Variants in PTCHD4 observed in about 807,000 individuals in gnomAD.
The protein encoded by PTCHD4 is patched domain containing 4.
In PTCHD4, 33 loss-of-function variants were observed where a neutral mutation model predicts 58.1. The ratio of observed to expected loss-of-function variants is 0.57; its 90% CI spans 0.43 to 0.76. PTCHD4 has a LOEUF of 0.76. PTCHD4 is among the 30% of genes least tolerant of loss of function. The pLI is 0.00. For missense variants in PTCHD4, 1,058 were observed against 1,027.1 expected (o/e 1.03, Z -0.41); for synonymous variants, 478 against 409.6 (o/e 1.17, Z -2.02).
chr6:48,044,649 C>T (rs332582), intron 3 of PTCHD4, among the ~76,000 whole-genome samples: 121,399 of 151,818 alleles, frequency 0.8, 48,555 homozygotes, highest in Middle Eastern at 0.85. Context: ...TGCTCATTTG[C>T]TTATGCAGTT....
chr6:47,880,342 C>T (rs1011283367), intron 4 of PTCHD4, among the ~76,000 whole-genome samples: 2 of 152,144 alleles, frequency 1.3e-5, no homozygotes, highest in Non-Finnish European at 2.9e-5. Flanking sequence ...TTAACTGATT[C>T]ATTGACTGAC....
At chr6:47,944,104 T>G (rs1248198654) in intron 4 of PTCHD4, among the ~76,000 whole-genome samples, 7 of 152,054 alleles carry the variant, frequency 4.6e-5, no homozygotes, top group African/African-American at 1.7e-4. Flanking sequence ...AGAATCTTTC[T>G]ATTCCAATAT....
intron 4 of PTCHD4, among the ~76,000 whole-genome samples, chr6:47,894,502 A>T (rs76576490): frequency 0.027 from 4,066 of 152,290 alleles, 188 homozygotes; most frequent in African/African-American, 0.093. Flanking sequence ...ATGCAAGACA[A>T]AGAATGCAAA....
chr6:48,070,123 T>G (rs200555044), intron 1 of PTCHD4, among the ~76,000 whole-genome samples, 197 bp from the exon 2 acceptor site: 44 of 146,736 alleles, frequency 3.0e-4, no homozygotes, highest in African/African-American at 9.1e-4. Context: ...AAGTGTGTGT[T>G]TGTGTGTGTG....
rs1367806282 is a variant in PTCHD4, at chr6:48,026,879, T to G, written c.418-17765A>C. ...CTTCTTGATGATTATTCGTAAAAAG[T>G]TTTTGCTCTTATTGAGTACATAACC... On this transcript the variant is annotated intron_variant, in intron 3 of 4. Coordinates refer to ENST00000339488, the MANE Select transcript of PTCHD4 (RefSeq NM_001384253.1). 3.3e-5 allele frequency among the ~76,000 whole-genome samples: 5 copies of G among 151,586 alleles called. No individual in the cohort carries two copies. The South Asian group carries it at 6.2e-4, about 19-fold the overall frequency.
At chr6:47,938,868 A>T (rs965697374) in intron 4 of PTCHD4, among the ~76,000 whole-genome samples, 3 of 152,194 alleles carry the variant, frequency 2.0e-5, no homozygotes, top group Non-Finnish European at 4.4e-5. Flanking sequence ...TTTAAGCTAC[A>T]TAAGGATAAA....
chr6:47,934,260 G>GCTCTGAGAGAGTTCCTGT (rs1442462744), intron 4 of PTCHD4, among the ~76,000 whole-genome samples: 1 of 152,088 alleles, frequency 6.6e-6, no homozygotes, highest in Non-Finnish European at 1.5e-5. Context: ...AGGGACTCTG[G>GCTCTGAGAGAGTTCCTGT]CTCTGAGAGA....
Position 47,872,662 on chromosome 6 carries a change from A to G in PTCHD4, c.*5641T>C, listed in dbSNP as rs960198045. Among the ~76,000 whole-genome samples the G allele has an allele frequency of 6.6e-6, 1 of 151,622 alleles. No homozygotes were observed. The highest frequency in any genetic ancestry group is 6.6e-5 in the Admixed American group (1 of 15,166). On this transcript the variant is annotated 3_prime_UTR_variant, in exon 5 of 5. Coordinates refer to ENST00000339488, the MANE Select transcript of PTCHD4 (RefSeq NM_001384253.1). Reference sequence around the variant, plus strand: ...GAAAAATAGTAGAAGCTGGCTTTCTATAATTTAAGATAGTGCAAAATCAGT... The same window carrying G: ...GAAAAATAGTAGAAGCTGGCTTTCTGTAATTTAAGATAGTGCAAAATCAGT...
At chr6:47,884,317 T>C (rs1764113655) in intron 4 of PTCHD4, among the ~76,000 whole-genome samples, 1 of 152,214 alleles carries the variant, frequency 6.6e-6, no homozygotes, top group African/African-American at 2.4e-5. Flanking sequence ...TTTCTTACTT[T>C]TCACTTTGGT....
At chr6:48,041,728 TA>T (rs1283726381) in intron 3 of PTCHD4, among the ~76,000 whole-genome samples, 6 of 152,028 alleles carry the variant, frequency 3.9e-5, no homozygotes, top group African/African-American at 1.4e-4. Context: ...TTTTTTGTTT[TA>T]TTTTTTTAAT....
intron 4 of PTCHD4, among the ~76,000 whole-genome samples, chr6:47,887,289 A>G (rs1286115037): frequency 6.6e-6 from 1 of 150,382 alleles, no homozygotes; most frequent in Admixed American, 6.6e-5. Flanking sequence ...TATAAAATTT[A>G]TTGAGGAATT....
chr6:47,955,898 G>C (rs376319239), intron 4 of PTCHD4, among the ~76,000 whole-genome samples: 1 of 152,152 alleles, frequency 6.6e-6, no homozygotes, highest in Non-Finnish European at 1.5e-5. Context: ...CCATGGTATA[G>C]AGCCATCATT....
chr6:48,028,753 C>T (rs1763336496), intron 3 of PTCHD4, among the ~76,000 whole-genome samples: 1 of 151,984 alleles, frequency 6.6e-6, no homozygotes, highest in African/African-American at 2.4e-5. Context: ...AAATATTGTT[C>T]ATAGTAATCT....
chr6:47,901,383 A>C, intron 4 of PTCHD4: 1 of 931,988 alleles, frequency 1.1e-6, no homozygotes, highest in Non-Finnish European at 1.3e-6. Context: ...GGAAGTGTTC[A>C]TTACTCTTTC....
intron 4 of PTCHD4, among the ~76,000 whole-genome samples, chr6:47,903,585 G>T (rs557892682): frequency 4.6e-5 from 7 of 152,212 alleles, no homozygotes; most frequent in Admixed American, 2.6e-4. Context: ...AAGGTGCTGG[G>T]ATTACTGGTA....
chr6:48,073,201 T>C lies in PTCHD4; in HGVS notation c.-969-3275A>G, dbSNP rs1004188301. Among the ~76,000 whole-genome samples the C allele has an allele frequency of 2.6e-5, 4 of 152,282 alleles. No homozygotes were observed. In the East Asian group the frequency reaches 7.7e-4, roughly 29 times the overall value. ...AACAACACATTAATTGGTTCTTTAG[T>C]TCAAACAGAATTCATGTTTTCTGAT... is the stretch of plus-strand genomic sequence containing the variant. On this transcript the variant is annotated intron_variant, in intron 1 of 4. Transcript: ENST00000339488.
At position 48,091,280 on chromosome 6, in the gene PTCHD4, AAAT is replaced by A. The variant is rs1357274518; in HGVS notation, c.-970+19766_-970+19768del. Among the ~76,000 whole-genome samples the A allele has an allele frequency of 5.4e-4, 82 of 152,022 alleles. No homozygotes were observed. The East Asian group carries it at 8.7e-3, about 16-fold the overall frequency. On this transcript the variant is annotated intron_variant, in intron 1 of 4. Coordinates refer to ENST00000339488, the MANE Select transcript of PTCHD4 (RefSeq NM_001384253.1). ...GGCTAGTAAAGGTAATAATAATAAA[AAAT>A]AATAATAAAATAATAAAAATGAATA... is the stretch of plus-strand genomic sequence containing the variant.
At chr6:47,926,352 T>A (rs963404185) in intron 4 of PTCHD4, among the ~76,000 whole-genome samples, 3 of 152,208 alleles carry the variant, frequency 2.0e-5, no homozygotes, top group Non-Finnish European at 4.4e-5. Flanking sequence ...TAGGATACTA[T>A]TTTTTATTTC....
intron 3 of PTCHD4, among the ~76,000 whole-genome samples, chr6:48,033,668 G>A (rs1763528160): frequency 6.6e-6 from 1 of 151,926 alleles, no homozygotes; most frequent in Admixed American, 6.6e-5. Flanking sequence ...CATGACAATA[G>A]AAAAGAGCAA....
Sources: allele counts gnomAD v4.1 joint callset (sites outside exome capture counted in the v4.1 genomes callset), GRCh38; gene constraint gnomAD v4.1.1; transcripts MANE v1.5; gene names NCBI Gene and HGNC (gene_info 2026-07-23, HGNC 2026-07-21).